Variants in RBFOX1 observed in about 807,000 individuals in gnomAD.
The protein encoded by RBFOX1 is RNA binding protein fox-1 homolog 1.
A neutral mutation model predicts 57.7 loss-of-function variants in RBFOX1; 8 were observed. That is an observed-to-expected ratio of 0.14 (90% CI 0.08 to 0.25). The LOEUF (loss-of-function observed/expected upper bound fraction) is 0.25. Ranked by LOEUF, RBFOX1 falls within the 10% of genes least tolerant of loss-of-function variation. RBFOX1 has a pLI of 1.00. For missense variants in RBFOX1, 611 were observed against 548.5 expected, an observed-to-expected ratio of 1.11 and a Z score of -1.14; for synonymous variants, 326 against 222.4, an observed-to-expected ratio of 1.47 and a Z score of -4.15.
chr16:7,665,067 C>G, intron 13 of RBFOX1, 99 bp downstream of exon 13: 1 of 1,608,372 alleles, frequency 6.2e-7, no homozygotes, highest in Non-Finnish European at 8.5e-7. Flanking sequence ...AGTTGAGTTT[C>G]TCTCCTTGGT....
intron 4 of RBFOX1, among the ~76,000 whole-genome samples, chr16:6,008,479 A>G (rs1306354390): frequency 6.6e-6 from 1 of 152,086 alleles, no homozygotes; most frequent in Non-Finnish European, 1.5e-5. Context: ...AGGTGGAGAA[A>G]CTGGAGGTGA....
At chr16:6,150,697 T>G (rs541815379) in intron 1 of RBFOX1, among the ~76,000 whole-genome samples, 1 of 152,190 alleles carries the variant, frequency 6.6e-6, no homozygotes, top group Non-Finnish European at 1.5e-5. Flanking sequence ...CCTTCCTCTT[T>G]CCACGGCTGG....
chr16:6,193,392 C>CTATATATATATATATATA (rs55707901), intron 1 of RBFOX1, among the ~76,000 whole-genome samples: 2 of 43,218 alleles, frequency 4.6e-5, no homozygotes, highest in African/African-American at 1.3e-4. Context: ...TATATATATA[C>CTATATATATATATATATA]TATATATATA....
chr16:6,335,864 C>T (rs774024116), intron 2 of RBFOX1, among the ~76,000 whole-genome samples: 2 of 148,762 alleles, frequency 1.3e-5, no homozygotes, highest in Non-Finnish European at 3.0e-5. Context: ...AGTCAGAGAA[C>T]CTGCATTGTG....
At chr16:5,312,388 G>C (rs1167532088) in intron 1 of RBFOX1, among the ~76,000 whole-genome samples, 1 of 152,164 alleles carries the variant, frequency 6.6e-6, no homozygotes, top group Non-Finnish European at 1.5e-5. Flanking sequence ...GCACGTTCGT[G>C]GCTCACTGCC....
chr16:7,512,032 T>C (rs187075113), intron 4 of RBFOX1, among the ~76,000 whole-genome samples: 31 of 152,312 alleles, frequency 2.0e-4, no homozygotes, highest in African/African-American at 5.8e-4. Flanking sequence ...ATCCTGCTCA[T>C]CAACTAGGAA....
intron 2 of RBFOX1, among the ~76,000 whole-genome samples, chr16:6,546,283 T>C (rs913213523): frequency 1.3e-5 from 2 of 152,172 alleles, no homozygotes; most frequent in African/African-American, 4.8e-5. Context: ...CCCAAGTGCA[T>C]TGTAAGCTCT....
rs116531468 is a variant in RBFOX1 at position 6,210,484 on chromosome 16, C to T, written c.-126-106511C>T. Among the ~76,000 whole-genome samples, 869 of 151,788 alleles carry T rather than the reference C, an allele frequency of 5.7e-3. 6 individuals are homozygous for T. The highest frequency in any genetic ancestry group is 0.02 in the African/African-American group (813 of 41,406). ...GTGGCTCACTCCTATAATCCCAGCACTTTAAGAAGCTGAGACAAGAGGATC... is the reference window on the plus strand; with the variant it reads ...GTGGCTCACTCCTATAATCCCAGCATTTTAAGAAGCTGAGACAAGAGGATC... On this transcript the variant is annotated intron_variant, in intron 1 of 15. Transcript: ENST00000550418.
At position 7,336,292 on chromosome 16, in the gene RBFOX1, G is replaced by A. The variant is rs537716307; in HGVS notation, c.28-181855G>A. The stretch of plus-strand genomic sequence containing the variant: ...GTTAGTGTTTGGGTCTAATGTGTTG[G>A]CTCTGGGCTGCAAGTGTGGACCCTC... On this transcript the variant is annotated intron_variant, in intron 4 of 15. Coordinates refer to ENST00000550418, the MANE Select transcript of RBFOX1 (RefSeq NM_018723.4). Among the ~76,000 whole-genome samples, 8 of 152,306 alleles carry A rather than the reference G, an allele frequency of 5.3e-5. No homozygotes were observed. In the South Asian group the frequency reaches 1.7e-3, roughly 32 times the overall value.
At chr16:5,370,988 G>A (rs769757773) in intron 1 of RBFOX1, among the ~76,000 whole-genome samples, 3 of 152,114 alleles carry the variant, frequency 2.0e-5, no homozygotes, top group Non-Finnish European at 2.9e-5. Context: ...TTGCTCTTTC[G>A]CCAGGCTGGA....
At chr16:6,983,964 C>A (rs1220590711) in intron 3 of RBFOX1, among the ~76,000 whole-genome samples, 1 of 152,258 alleles carries the variant, frequency 6.6e-6, no homozygotes, top group East Asian at 1.9e-4. Context: ...AATCCTGGAT[C>A]TGGCCTGGAG....
At chr16:5,670,329 A>G (rs1201006807) in intron 3 of RBFOX1, among the ~76,000 whole-genome samples, 3 of 152,208 alleles carry the variant, frequency 2.0e-5, no homozygotes, top group Non-Finnish European at 4.4e-5. Context: ...GCATTTCACC[A>G]CAGTCAAAAT....
At position 5,529,361 on chromosome 16, in the gene RBFOX1, G is replaced by C. The variant is rs377090453; in HGVS notation, c.258+62107G>C. Among the ~76,000 whole-genome samples, 41 of 151,340 alleles carry C rather than the reference G, an allele frequency of 2.7e-4. No homozygotes were observed. The South Asian group carries it at 6.3e-3, about 23-fold the overall frequency. Reference sequence around the variant, plus strand: ...TTAAGATGATGTCATACTGGAGGAGGTGGACCCCAATCCAGTATGGCCAGT... The same window carrying C: ...TTAAGATGATGTCATACTGGAGGAGCTGGACCCCAATCCAGTATGGCCAGT... On this transcript the variant is annotated intron_variant, in intron 2 of 2. Coordinates refer to the RBFOX1 transcript ENST00000585867.
intron 3 of RBFOX1, among the ~76,000 whole-genome samples, chr16:6,683,550 G>A (rs1030470332): frequency 8.5e-5 from 13 of 152,096 alleles, no homozygotes; most frequent in African/African-American, 2.2e-4. Flanking sequence ...TTTTGTTTTC[G>A]TTACAAATAT....
intron 4 of RBFOX1, among the ~76,000 whole-genome samples, chr16:7,171,512 T>C (rs550074125): frequency 6.6e-6 from 1 of 152,334 alleles, no homozygotes; most frequent in Non-Finnish European, 1.5e-5. Context: ...GAATCCTTAA[T>C]GTGACACAAA....
intron 4 of RBFOX1, among the ~76,000 whole-genome samples, chr16:7,374,860 A>G (rs1239973656): frequency 2.6e-5 from 4 of 152,288 alleles, no homozygotes; most frequent in South Asian, 4.1e-4. Flanking sequence ...TGGTGATAGC[A>G]TGCTTTTCAT....
chr16:6,687,640 T>C (rs1232142325), intron 3 of RBFOX1, among the ~76,000 whole-genome samples: 1 of 152,188 alleles, frequency 6.6e-6, no homozygotes, highest in Non-Finnish European at 1.5e-5. Flanking sequence ...CAAGGGGAAG[T>C]GCCAGGATTC....
intron 3 of RBFOX1, among the ~76,000 whole-genome samples, chr16:6,916,409 A>G (rs1263215983): frequency 2.0e-5 from 3 of 152,120 alleles, no homozygotes; most frequent in African/African-American, 7.2e-5. Context: ...TTTCTCTTGA[A>G]TATATCCCTA....
Position 5,624,788 on chromosome 16 carries a change from G to C in RBFOX1, c.318+25827G>C, listed in dbSNP as rs563104231. ...CAGGGACCCTTCAGGAAGCTCATATGCTGAGTGCCAGGTGGCATCACAGAG... is the reference window on the plus strand; with the variant it reads ...CAGGGACCCTTCAGGAAGCTCATATCCTGAGTGCCAGGTGGCATCACAGAG... On this transcript the variant is annotated intron_variant, in intron 3 of 19. Transcript: ENST00000641259. Among the ~76,000 whole-genome samples, 9 of 152,372 alleles carry C rather than the reference G, an allele frequency of 5.9e-5. No homozygotes were observed. In the South Asian group the frequency reaches 1.9e-3, roughly 32 times the overall value.
Sources: gnomAD v4.1 joint callset for allele counts (sites outside exome capture counted in the v4.1 genomes callset) on GRCh38, gnomAD v4.1.1 for gene constraint, MANE v1.5 for transcripts, NCBI Gene and HGNC (gene_info 2026-07-23, HGNC 2026-07-21) for gene names.